Variants in PDE4D observed in about 807,000 individuals in gnomAD.
PDE4D encodes phosphodiesterase 4D, also known as 3',5'-cyclic-AMP phosphodiesterase 4D.
Under a neutral mutation model 87.4 loss-of-function variants are expected in PDE4D, and 24 were observed. The observed-to-expected ratio is 0.27, with a 90% CI of 0.20 to 0.39. The LOEUF is 0.39. Ranked by LOEUF, PDE4D falls within the 10% of genes least tolerant of loss-of-function variation. The pLI is 1.00. For synonymous variants in PDE4D, 384 were observed against 383.2 expected (o/e 1.00, Z -0.02); for missense variants, 714 against 1,041.0 (o/e 0.69, Z 4.32).
At chr5:59,302,434 T>G (rs1273551577) in intron 1 of PDE4D, among the ~76,000 whole-genome samples, 4 of 152,068 alleles carry the variant, frequency 2.6e-5, no homozygotes. Context: ...GTTATATAAG[T>G]AAGTTCTTTA....
At chr5:59,666,470 T>C (rs556269334) in intron 1 of PDE4D, among the ~76,000 whole-genome samples, 5 of 152,338 alleles carry the variant, frequency 3.3e-5, no homozygotes, top group African/African-American at 1.2e-4. Context: ...GAATTCTATA[T>C]AGTTCTTGAT....
At chr5:59,224,317 C>T (rs906417351) in intron 1 of PDE4D, among the ~76,000 whole-genome samples, 20 of 151,334 alleles carry the variant, frequency 1.3e-4, no homozygotes, top group African/African-American at 4.9e-4. Flanking sequence ...CACACACACA[C>T]ACACACACAC....
chr5:59,985,497 C>A (rs6869640), intron 3 of PDE4D, among the ~76,000 whole-genome samples: 40,286 of 151,896 alleles, frequency 0.27, 5,824 homozygotes, highest in Admixed American at 0.35. Flanking sequence ...AAGTTATACT[C>A]CTGAATTTTC....
intron 1 of PDE4D, among the ~76,000 whole-genome samples, chr5:60,381,830 GA>G: frequency 6.6e-6 from 1 of 152,260 alleles, no homozygotes; most frequent in East Asian, 1.9e-4. Flanking sequence ...TTAAAACCAT[GA>G]GAATGAATAA....
chr5:59,242,023 C>A (rs11740402), intron 1 of PDE4D, among the ~76,000 whole-genome samples: 11,218 of 151,336 alleles, frequency 0.074, 536 homozygotes, highest in Non-Finnish European at 0.1. Context: ...TAGCATAATT[C>A]TCACACCAGG....
At chr5:59,278,749 C>T (rs1485630188) in intron 1 of PDE4D, among the ~76,000 whole-genome samples, 1 of 151,892 alleles carries the variant, frequency 6.6e-6, no homozygotes, top group African/African-American at 2.4e-5. Context: ...AATTTGCCCC[C>T]AAAATATAAG....
At chr5:59,214,079 A>ACACACAC (rs1561725422) in intron 2 of PDE4D, among the ~76,000 whole-genome samples, 7 of 123,680 alleles carry the variant, frequency 5.7e-5, no homozygotes, top group African/African-American at 1.9e-4. Flanking sequence ...CACACACACA[A>ACACACAC]CCATTCTATA....
At chr5:59,227,151 A>G (rs1753966431) in intron 1 of PDE4D, among the ~76,000 whole-genome samples, 1 of 152,168 alleles carries the variant, frequency 6.6e-6, no homozygotes, top group Non-Finnish European at 1.5e-5. Flanking sequence ...CTAAGATGCT[A>G]TATTTCCAAA....
At chr5:60,233,560 T>TC (rs1374880029) in intron 1 of PDE4D, among the ~76,000 whole-genome samples, 2 of 151,336 alleles carry the variant, frequency 1.3e-5, no homozygotes, top group Non-Finnish European at 3.0e-5. Context: ...AACTAACATT[T>TC]CCTTTTTTTT....
At chr5:60,146,959 A>G (rs1220588284) in intron 2 of PDE4D, among the ~76,000 whole-genome samples, 1 of 152,146 alleles carries the variant, frequency 6.6e-6, no homozygotes, top group Non-Finnish European at 1.5e-5. Context: ...AAGAAGAAAA[A>G]AAGATAATAA....
chr5:59,805,394 G>A (rs1223433863), intron 1 of PDE4D, among the ~76,000 whole-genome samples: 2 of 152,316 alleles, frequency 1.3e-5, no homozygotes, highest in South Asian at 2.1e-4. Context: ...GTCAGGAAGT[G>A]TAATCTACAA....
Position 58,974,913 on chromosome 5 carries a change from C to G in PDE4D, c.2181G>C (p.Arg727=). The change falls in exon 15 of 15, where the codon CGG becomes CGC. Residue 727 remains arginine (R), a synonymous_variant. Transcript: ENST00000340635. ...SPAPDDPEEG[R]QGQTEKFQFE... is the part of the protein sequence containing the mutation. ...ACTGGAATTTCTCAGTTTGACCCTG[C>G]CGGCCCTCCTCTGGGTCATCAGGTG... 6.2e-7 allele frequency: 1 copy of G among 1,612,698 alleles called. No homozygotes were observed. Among genetic ancestry groups the G allele is most frequent in the Non-Finnish European group, 8.5e-7 (1 of 1,179,040 alleles).
At chr5:59,818,067 A>C (rs771335219) in intron 1 of PDE4D, among the ~76,000 whole-genome samples, 23 of 152,184 alleles carry the variant, frequency 1.5e-4, no homozygotes, top group Non-Finnish European at 2.9e-4. Context: ...AGCCCAGTGA[A>C]GCTCACATGT....
chr5:59,740,088 T>C (rs1157592588), intron 1 of PDE4D, among the ~76,000 whole-genome samples: 2 of 152,176 alleles, frequency 1.3e-5, no homozygotes, highest in Admixed American at 1.3e-4. Context: ...TATGAGTTAT[T>C]TATAAAAGTA....
chr5:60,093,458 T>C (rs1018660745), intron 2 of PDE4D, among the ~76,000 whole-genome samples: 1 of 152,166 alleles, frequency 6.6e-6, no homozygotes, highest in African/African-American at 2.4e-5. Context: ...ATACCAGTTT[T>C]CATATCAGGG....
chr5:59,166,809 A>T (rs1451429406), intron 5 of PDE4D, among the ~76,000 whole-genome samples: 1 of 152,164 alleles, frequency 6.6e-6, no homozygotes, highest in Non-Finnish European at 1.5e-5. Context: ...AACCAGTGAG[A>T]TTGCTTATTG....
intron 1 of PDE4D, among the ~76,000 whole-genome samples, chr5:59,348,615 C>T (rs1779988360): frequency 7.6e-6 from 1 of 130,768 alleles, no homozygotes; most frequent in African/African-American, 2.9e-5. Flanking sequence ...TAAAGCTTCA[C>T]TTCAAAGCTT....
chr5:59,273,816 T>C (rs1414021033), intron 1 of PDE4D, among the ~76,000 whole-genome samples: 1 of 152,098 alleles, frequency 6.6e-6, no homozygotes, highest in Non-Finnish European at 1.5e-5. Flanking sequence ...ATATAATAAT[T>C]GTGGATAAAA....
intron 1 of PDE4D, among the ~76,000 whole-genome samples, chr5:59,706,322 G>T (rs1474582029): frequency 6.6e-6 from 1 of 152,116 alleles, no homozygotes; most frequent in Non-Finnish European, 1.5e-5. Flanking sequence ...TGATATGGGA[G>T]TTTCAGCTCA....
Sources: gnomAD v4.1 joint callset for allele counts (sites outside exome capture counted in the v4.1 genomes callset) on GRCh38, gnomAD v4.1.1 for gene constraint, MANE v1.5 for transcripts, NCBI Gene and HGNC (gene_info 2026-07-23, HGNC 2026-07-21) for gene names.